The following SV2B variants were observed in gnomAD, a reference collection of about 807,000 sequenced individuals.
The protein encoded by SV2B is synaptic vesicle glycoprotein 2B.
Under a neutral mutation model 73.9 loss-of-function variants are expected in SV2B, and 41 were observed. That is an observed-to-expected ratio of 0.56 (90% CI 0.43 to 0.72). The LOEUF (loss-of-function observed/expected upper bound fraction) is 0.72. Among genes scored for constraint, SV2B ranks in the 30% least tolerant of loss-of-function variants. The pLI is 0.00. For missense variants in SV2B, 764 were observed against 857.8 expected (o/e 0.89, Z 1.37); for synonymous variants, 314 against 314.2 (o/e 1.00, Z 0.01).
intron 10 of SV2B, among the ~76,000 whole-genome samples, chr15:91,282,977 A>G (rs1299916125): frequency 2.0e-5 from 3 of 152,214 alleles, no homozygotes; most frequent in African/African-American, 4.8e-5. Flanking sequence ...CCTCATTTGA[A>G]TACTCTTACC....
rs2047921688 is a variant in SV2B at position 91,261,912 on chromosome 15, G to A, written c.1008+1503G>A. Among the ~76,000 whole-genome samples, 2 of 152,154 alleles carry A rather than the reference G, an allele frequency of 1.3e-5. No individual in the cohort carries two copies. Among genetic ancestry groups the A allele is most frequent in the Non-Finnish European group, 1.5e-5 (1 of 68,016 alleles). On this transcript the variant is annotated intron_variant, in intron 6 of 12. Transcript: ENST00000394232. The surrounding 1 kb of genome is among the most constrained non-coding windows in gnomAD (Gnocchi z 4.7). ...AGGCTATAGGCATCTTTGTGCACCC[G>A]TTTTTATAACTTCCCCTACTTCAAA...
chr15:91,109,394 T>A (rs1379927407), intron 1 of SV2B, among the ~76,000 whole-genome samples: 1 of 152,234 alleles, frequency 6.6e-6, no homozygotes, highest in African/African-American at 2.4e-5. Context: ...CCAGGTGATA[T>A]GTGTGTGGGC....
At chr15:91,218,041 A>G (rs1358806767) in intron 1 of SV2B, among the ~76,000 whole-genome samples, 1 of 152,264 alleles carries the variant, frequency 6.6e-6, no homozygotes, top group Non-Finnish European at 1.5e-5. Context: ...TTGCTAGGAT[A>G]GTGGCTGAGA....
rs1233089231 is a variant in SV2B, at chr15:91,239,388, G to A, written c.452-12431G>A. 1.3e-5 allele frequency among the ~76,000 whole-genome samples: 2 copies of A among 151,596 alleles called. No homozygotes were observed. Among genetic ancestry groups the A allele is most frequent in the East Asian group, 3.9e-4 (2 of 5,174 alleles). ...AAGTCTTGTGCTCGAAAGGAGACAT[G>A]GTAACAGATTATAAGGTATAAGGCA... On this transcript the variant is annotated intron_variant, in intron 2 of 12. Transcript: ENST00000394232. The surrounding 1 kb of genome is among the most constrained non-coding windows in gnomAD (Gnocchi z 5.1).
At chr15:91,218,947 CTTT>C (rs796083126) in intron 1 of SV2B, among the ~76,000 whole-genome samples, 2 of 151,236 alleles carry the variant, frequency 1.3e-5, no homozygotes, top group Non-Finnish European at 3.0e-5. Context: ...TTTCTTTCTT[CTTT>C]TTTTTTAATA....
rs2046719657 is a variant in SV2B at position 91,234,891 on chromosome 15, C to A, written c.451+8177C>A. On this transcript the variant is annotated intron_variant, in intron 2 of 12. Transcript: ENST00000394232. The surrounding 1 kb of genome is among the most constrained non-coding windows in gnomAD (Gnocchi z 5.6). The stretch of plus-strand genomic sequence containing the variant: ...TGAAGATACTTGCTCTGAACTGACA[C>A]TAATTCCAAGAGACTGAAAACGTCA... Among the ~76,000 whole-genome samples, 1 of 152,216 alleles carries A rather than the reference C, an allele frequency of 6.6e-6. No homozygotes were observed. The highest frequency in any genetic ancestry group is 2.4e-5 in the African/African-American group (1 of 41,454).
chr15:91,140,187 A>G lies in SV2B; in HGVS notation c.-392+39824A>G, dbSNP rs1005743543. The stretch of plus-strand genomic sequence containing the variant: ...GCTGTTGTCCATCCAGCTATTAACA[A>G]ACATTCCGTGAGTATCACAATGCTC... On this transcript the variant is annotated intron_variant, in intron 1 of 12. Coordinates refer to ENST00000394232, the MANE Select transcript of SV2B (RefSeq NM_001323032.3). This position sits in a 1 kb window ranked among gnomAD's most constrained non-coding sequence, Gnocchi z 4.4. 6.6e-5 allele frequency among the ~76,000 whole-genome samples: 10 copies of G among 152,202 alleles called. 1 individual carries two copies. The highest frequency in any genetic ancestry group is 2.4e-4 in the African/African-American group (10 of 41,442).
intron 1 of SV2B, among the ~76,000 whole-genome samples, chr15:91,194,422 G>A (rs949893490): frequency 2.0e-5 from 3 of 152,198 alleles, no homozygotes; most frequent in Non-Finnish European, 4.4e-5. Context: ...GATGAATCAA[G>A]CTACTGTGAA....
At chr15:91,263,835 C>G (rs1467844624) in intron 6 of SV2B, among the ~76,000 whole-genome samples, 2 of 152,240 alleles carry the variant, frequency 1.3e-5, no homozygotes, top group Non-Finnish European at 2.9e-5. Flanking sequence ...CCCCTCCTCC[C>G]TTTCAGTCTC....
At position 91,141,407 on chromosome 15, in the gene SV2B, T is replaced by C. The variant is rs1273504677; in HGVS notation, c.-392+41044T>C. Among the ~76,000 whole-genome samples, 1 of 152,182 alleles carries C rather than the reference T, an allele frequency of 6.6e-6. No homozygotes were observed. On this transcript the variant is annotated intron_variant, in intron 1 of 12. Transcript: ENST00000394232. This position sits in a 1 kb window ranked among gnomAD's most constrained non-coding sequence, Gnocchi z 4.6. ...CAGGAGCATCTTAGTAGTTTAGCTTTCTAACCTGCTCCTAATCCAGGTGAT... is the reference window on the plus strand; with the variant it reads ...CAGGAGCATCTTAGTAGTTTAGCTTCCTAACCTGCTCCTAATCCAGGTGAT...
chr15:91,166,183 A>G (rs2043905329), intron 1 of SV2B, among the ~76,000 whole-genome samples: 1 of 152,206 alleles, frequency 6.6e-6, no homozygotes, highest in Non-Finnish European at 1.5e-5. Flanking sequence ...TAGGATGTAT[A>G]GTAGTATCCT....
At chr15:91,146,306 G>C (rs1783640545) in intron 1 of SV2B, among the ~76,000 whole-genome samples, 1 of 152,016 alleles carries the variant, frequency 6.6e-6, no homozygotes. Context: ...TCTTATTTCT[G>C]GCTCTCTTTA....
rs2042622059 is a variant in SV2B at position 91,130,937 on chromosome 15, A to G, written c.-392+30574A>G. On this transcript the variant is annotated intron_variant, in intron 1 of 12. Transcript: ENST00000394232. The surrounding 1 kb of genome is among the most constrained non-coding windows in gnomAD (Gnocchi z 5.6). ...TGCAAAAGGAGGAGATGGTTGATGG[A>G]TCCAAGTTCAGGAACACATGGGAGG... Among the ~76,000 whole-genome samples the G allele has an allele frequency of 1.3e-5, 2 of 152,014 alleles. No individual in the cohort carries two copies. Among genetic ancestry groups the G allele is most frequent in the African/African-American group, 4.8e-5 (2 of 41,376 alleles).
At chr15:91,270,119 T>G (rs2048243572) in intron 9 of SV2B, among the ~76,000 whole-genome samples, 2 of 152,230 alleles carry the variant, frequency 1.3e-5, no homozygotes, top group South Asian at 4.1e-4. Context: ...ACATTATGGA[T>G]GACTAGATGT....
rs142885687 is a variant in SV2B, at chr15:91,128,840, A to C, written c.-392+28477A>C. On this transcript the variant is annotated intron_variant, in intron 1 of 12. Coordinates refer to ENST00000394232, the MANE Select transcript of SV2B (RefSeq NM_001323032.3). This position sits in a 1 kb window ranked among gnomAD's most constrained non-coding sequence, Gnocchi z 4.2. ...GTCTTCTGGGTTTCCTCACTTAGTC[A>C]TGAGCACTAGATCCTATCCTTTTTG... 1 of 152,266 alleles carries C rather than the reference A, an allele frequency of 6.6e-6. No homozygotes were observed. The highest frequency in any genetic ancestry group is 1.5e-5 in the Non-Finnish European group (1 of 68,072). 9.4% of individuals were successfully genotyped at this position (152,266 alleles called of 1,614,324 possible). A position where few individuals can be genotyped will look rare whatever the true frequency, so the allele number is the denominator to read the frequency against.
At position 91,110,681 on chromosome 15, in the gene SV2B, T is replaced by G. The variant is rs1014763555; in HGVS notation, c.-392+10318T>G. ...CCTGCCCTAGGCAAAGTGCTGGGCCTGGGAGATGGGGCTGGAAAGGTCATG... is the reference window on the plus strand; with the variant it reads ...CCTGCCCTAGGCAAAGTGCTGGGCCGGGGAGATGGGGCTGGAAAGGTCATG... On this transcript the variant is annotated intron_variant, in intron 1 of 12. Transcript: ENST00000394232. This position sits in a 1 kb window ranked among gnomAD's most constrained non-coding sequence, Gnocchi z 5.4. Among the ~76,000 whole-genome samples, 2 of 152,086 alleles carry G rather than the reference T, an allele frequency of 1.3e-5. No homozygotes were observed. The highest frequency in any genetic ancestry group is 4.8e-5 in the African/African-American group (2 of 41,410).
At chr15:91,193,217 C>T (rs980152260) in intron 1 of SV2B, among the ~76,000 whole-genome samples, 3 of 152,146 alleles carry the variant, frequency 2.0e-5, no homozygotes, top group Non-Finnish European at 4.4e-5. Context: ...GCAAGTGCCG[C>T]AGGAGGAGAA....
At chr15:91,200,970 C>A (rs1339633825) in intron 1 of SV2B, among the ~76,000 whole-genome samples, 2 of 152,224 alleles carry the variant, frequency 1.3e-5, no homozygotes, top group African/African-American at 4.8e-5. Context: ...TCTTTGTACA[C>A]ATCCTGGATT....
chr15:91,126,590 A>G (rs2042490111), intron 1 of SV2B, among the ~76,000 whole-genome samples: 2 of 152,228 alleles, frequency 1.3e-5, no homozygotes, highest in African/African-American at 4.8e-5. Flanking sequence ...TCGGATATAT[A>G]GACATAAAAA....
Sources: allele counts gnomAD v4.1 joint callset (sites outside exome capture counted in the v4.1 genomes callset), GRCh38; gene constraint gnomAD v4.1.1; non-coding constraint Gnocchi (gnomAD v3.1); transcripts MANE v1.5; gene names NCBI Gene and HGNC (gene_info 2026-07-23, HGNC 2026-07-21).